Variants in UTRN observed in about 807,000 individuals in gnomAD.
The protein encoded by UTRN is dystrophin-related protein 1.
Under a neutral mutation model 463.9 loss-of-function variants are expected in UTRN, and 283 were observed. The observed-to-expected ratio is 0.61, with a 90% CI of 0.55 to 0.67. The LOEUF is 0.67. UTRN is among the 30% of genes least tolerant of loss of function. The probability of loss-of-function intolerance (pLI) is 0.00; values close to 1 mark genes in which losing one functional copy is unlikely to be tolerated. For missense variants in UTRN, 3,922 were observed against 4,084.3 expected (o/e 0.96, Z 1.08); for synonymous variants, 1,442 against 1,431.5 (o/e 1.01, Z -0.17).
At chr6:144,777,038 T>A (rs1775384316) in intron 60 of UTRN, among the ~76,000 whole-genome samples, 1 of 152,162 alleles carries the variant, frequency 6.6e-6, no homozygotes, top group Non-Finnish European at 1.5e-5. Flanking sequence ...TTTTTAATAT[T>A]CTGTTTATTA....
chr6:144,549,010 A>G (rs1798668202), intron 47 of UTRN, among the ~76,000 whole-genome samples, 156 bp downstream of exon 47: 1 of 152,236 alleles, frequency 6.6e-6, no homozygotes, highest in Non-Finnish European at 1.5e-5. Context: ...ACTACAAAGC[A>G]TAGAGCTTTT....
At chr6:144,606,916 G>C (rs1804912598) in intron 51 of UTRN, among the ~76,000 whole-genome samples, 2 of 152,172 alleles carry the variant, frequency 1.3e-5, no homozygotes, top group Admixed American at 1.3e-4. Flanking sequence ...GATGCTTCAG[G>C]TGAACGCCTG....
At chr6:144,705,441 G>A (rs958312425) in intron 53 of UTRN, among the ~76,000 whole-genome samples, 6 of 152,150 alleles carry the variant, frequency 3.9e-5, no homozygotes, top group Admixed American at 3.9e-4. Context: ...TGAAGGCGGA[G>A]AAGTTCAAGA....
At chr6:144,358,755 T>C (rs1778791556) in intron 2 of UTRN, among the ~76,000 whole-genome samples, 1 of 152,190 alleles carries the variant, frequency 6.6e-6, no homozygotes, top group Non-Finnish European at 1.5e-5. Flanking sequence ...AGTATTCTTA[T>C]CTTCATTGTT....
chr6:144,360,057 C>CTTCCA, intron 2 of UTRN, among the ~76,000 whole-genome samples: 1 of 99,908 alleles, frequency 1.0e-5, no homozygotes, highest in Non-Finnish European at 1.9e-5. Context: ...CTTCCCTTCC[C>CTTCCA]TTCCCTTCCC....
intron 56 of UTRN, among the ~76,000 whole-genome samples, chr6:144,753,725 G>A (rs531663548): frequency 2.0e-4 from 30 of 150,666 alleles, no homozygotes; most frequent in South Asian, 8.4e-4. Context: ...AAATTAACCC[G>A]GCATGATTGC....
At chr6:144,523,693 A>C (rs540026580) in intron 41 of UTRN, among the ~76,000 whole-genome samples, 86 of 152,312 alleles carry the variant, frequency 5.6e-4, no homozygotes, top group Non-Finnish European at 9.4e-4. Flanking sequence ...TTTATAACAT[A>C]ATATCTTAAT....
At chr6:144,514,120 C>T in intron 36 of UTRN, 83 bp downstream of exon 36, 2 of 1,544,250 alleles carry the variant, frequency 1.3e-6, no homozygotes, top group Non-Finnish European at 1.8e-6. Flanking sequence ...CTCTAAGTTA[C>T]TTAGCTCTCA....
intron 33 of UTRN, among the ~76,000 whole-genome samples, chr6:144,497,436 G>A (rs1373616315): frequency 6.6e-6 from 1 of 151,396 alleles, no homozygotes; most frequent in Non-Finnish European, 1.5e-5. Flanking sequence ...TGCACGTTGG[G>A]AGGCCAAGGT....
Position 144,447,308 on chromosome 6 carries a change from G to A in UTRN, c.1712G>A (p.Arg571Gln), listed in dbSNP as rs181231692. The change falls in exon 15 of 75, where the codon CGA (arginine) becomes CAA (glutamine). Residue 571 changes from arginine to glutamine, a missense_variant. By Grantham distance (43) the Arg-to-Gln change is conservative. Transcript: ENST00000367545. Reference sequence around the variant, plus strand: ...CAAAAGGAACTAAGTGTCAGTGTTCGACGTCTGGCTGTAAGTGATGGGGTT... The same window carrying A: ...CAAAAGGAACTAAGTGTCAGTGTTCAACGTCTGGCTGTAAGTGATGGGGTT... ...KDQKELSVSV[R>Q]RLAILKEDME... 2.0e-5 allele frequency: 33 copies of A among 1,613,106 alleles called. 1 individual carries two copies. In the East Asian group the frequency reaches 5.8e-4, roughly 28 times the overall value.
At chr6:144,351,132 C>T (rs1778073429) in intron 2 of UTRN, among the ~76,000 whole-genome samples, 1 of 152,146 alleles carries the variant, frequency 6.6e-6, no homozygotes. Flanking sequence ...TAAGCCCTAA[C>T]TATTCTGCCT....
At chr6:144,828,888 A>C (rs1780421673) in intron 69 of UTRN, 33 bp downstream of exon 69, 1 of 1,605,048 alleles carries the variant, frequency 6.2e-7, no homozygotes, top group Non-Finnish European at 8.5e-7. Flanking sequence ...GCTGCCTGGG[A>C]AGGCTAGTTC....
rs58099859 is a variant in UTRN, at chr6:144,392,998, G to GCCATCCAT, written c.80-10080_80-10073dup. ...CCAGGGCAAGGCTTTGTGTCCAGCTGCCATCCATCCATCCATCCATCCATC... is the reference window on the plus strand; with the variant it reads ...CCAGGGCAAGGCTTTGTGTCCAGCTGCCATCCATCCATCCATCCATCCATCCATCCATC... On this transcript the variant is annotated intron_variant, in intron 2 of 74. Transcript: ENST00000367545. Among the ~76,000 whole-genome samples, 170 of 150,196 alleles carry GCCATCCAT rather than the reference G, an allele frequency of 1.1e-3. 3 individuals are homozygous for GCCATCCAT. The highest frequency in any genetic ancestry group is 2.6e-3 in the African/African-American group (107 of 40,928).
At position 144,488,772 on chromosome 6, in the gene UTRN, A is replaced by G. The variant is rs745488833; in HGVS notation, c.4072A>G (p.Lys1358Glu). Residue 1358 changes from lysine to glutamate, a missense_variant, in exon 30 of 75, where the codon AAA (lysine) becomes GAA (glutamate). This residue lies in a region of UTRN where 2,349 missense variants were observed against 2,303.8 expected (regional missense o/e 1.02). Transcript: ENST00000367545. ...GCAAGAGAGCTTGGGGGAGCTGGAC[A>G]AACAGCTCACCACATACCTGACTGA... is the stretch of plus-strand genomic sequence containing the variant. ...VLQESLGELD[K>E]QLTTYLTDRI... The G allele has an allele frequency of 6.2e-7, 1 of 1,613,032 alleles. No individual in the cohort carries two copies.
intron 51 of UTRN, among the ~76,000 whole-genome samples, chr6:144,595,325 A>G (rs1432917700): frequency 2.6e-5 from 4 of 152,246 alleles, no homozygotes; most frequent in African/African-American, 9.6e-5. Flanking sequence ...ACAAATAACA[A>G]TCAATGACAA....
At chr6:144,313,206 C>T (rs1775052781) in intron 2 of UTRN, among the ~76,000 whole-genome samples, 1 of 151,986 alleles carries the variant, frequency 6.6e-6, no homozygotes, top group African/African-American at 2.4e-5. Flanking sequence ...ACGTGCATGG[C>T]CCTCAGGTTG....
At chr6:144,758,070 C>A in intron 58 of UTRN, 81 bp downstream of exon 58, 2 of 1,241,848 alleles carry the variant, frequency 1.6e-6, no homozygotes, top group Non-Finnish European at 2.3e-6. Context: ...CTCCCCATAA[C>A]TTTTAAAAAT....
In UTRN at chr6:144,498,347, G is replaced by T. The variant is rs79329901; in HGVS notation, c.4594-910G>T. ...GTGTAAGATTCCTTAGCACAACACG[G>T]AAGCTGTATTAAGAGCTTGGTAAAT... On this transcript the variant is annotated intron_variant, in intron 33 of 74. Coordinates refer to ENST00000367545, the MANE Select transcript of UTRN (RefSeq NM_007124.3). 3.0e-4 allele frequency among the ~76,000 whole-genome samples: 45 copies of T among 152,340 alleles called. No individual in the cohort carries two copies. The East Asian group carries it at 8.3e-3, about 28-fold the overall frequency.
chr6:144,754,594 G>T (rs1468570944), intron 56 of UTRN, 126 bp from the exon 57 acceptor site: 5 of 697,622 alleles, frequency 7.2e-6, no homozygotes, highest in Non-Finnish European at 9.0e-6. Context: ...GGTCCAAGGG[G>T]TCTATATAAA....
Sources: allele counts gnomAD v4.1 joint callset (sites outside exome capture counted in the v4.1 genomes callset), GRCh38; gene constraint gnomAD v4.1.1; regional missense constraint gnomAD v4.1.1; transcripts MANE v1.5; gene names NCBI Gene and HGNC (gene_info 2026-07-23, HGNC 2026-07-21).